Variants in MDGA2 observed in about 807,000 individuals in gnomAD.
The protein encoded by MDGA2 is MAM domain containing glycosylphosphatidylinositol anchor 2, also known as MAM domain-containing glycosylphosphatidylinositol anchor protein 2.
A neutral mutation model predicts 117.8 loss-of-function variants in MDGA2; 40 were observed. That is an observed-to-expected ratio of 0.34 (90% confidence interval 0.26 to 0.44). The LOEUF (loss-of-function observed/expected upper bound fraction) is 0.44, where lower values mean the gene tolerates loss of function less well. MDGA2 is among the 20% of genes least tolerant of loss of function. The pLI, the probability that MDGA2 is intolerant of heterozygous loss-of-function variation, is 1.00. For missense variants in MDGA2, 1,123 were observed against 1,250.6 expected (o/e 0.90, Z 1.54); for synonymous variants, 452 against 439.0 (o/e 1.03, Z -0.37).
At chr14:47,558,074 G>A (rs949346483) in intron 1 of MDGA2, among the ~76,000 whole-genome samples, 1 of 152,178 alleles carries the variant, frequency 6.6e-6, no homozygotes, top group African/African-American at 2.4e-5. Flanking sequence ...AGTCGACAGT[G>A]AAAATGAAGG....
intron 1 of MDGA2, among the ~76,000 whole-genome samples, chr14:47,416,232 A>G (rs1892472612): frequency 6.6e-6 from 1 of 152,188 alleles, no homozygotes; most frequent in Non-Finnish European, 1.5e-5. Context: ...GAAATCAAAC[A>G]TGTTATGCAT....
chr14:47,624,490 AAAT>A (rs1897106021), intron 1 of MDGA2, among the ~76,000 whole-genome samples: 1 of 152,194 alleles, frequency 6.6e-6, no homozygotes, highest in African/African-American at 2.4e-5. Flanking sequence ...ACAAATAAAT[AAAT>A]GATAACTCTT....
intron 1 of MDGA2, among the ~76,000 whole-genome samples, chr14:47,608,018 A>G (rs1023456233): frequency 6.6e-6 from 1 of 152,154 alleles, no homozygotes; most frequent in South Asian, 2.1e-4. Flanking sequence ...GCTCTAAAAG[A>G]CTTGTCATTA....
intron 1 of MDGA2, among the ~76,000 whole-genome samples, chr14:47,394,085 C>T (rs1891954792): frequency 1.3e-5 from 2 of 152,042 alleles, no homozygotes; most frequent in Admixed American, 1.3e-4. Flanking sequence ...AATGCCAGTT[C>T]ATCACTTCCA....
intron 1 of MDGA2, among the ~76,000 whole-genome samples, chr14:47,663,153 T>C (rs1295702428): frequency 1.3e-5 from 2 of 152,220 alleles, no homozygotes; most frequent in African/African-American, 4.8e-5. Flanking sequence ...TTCTTGATAA[T>C]AACTTAACTC....
At chr14:47,209,206 A>G (rs547292575) in intron 3 of MDGA2, among the ~76,000 whole-genome samples, 2 of 152,170 alleles carry the variant, frequency 1.3e-5, no homozygotes, top group South Asian at 2.1e-4. Flanking sequence ...CATGTCTCCA[A>G]TTATAAGGTT....
In MDGA2 at chr14:47,282,298, G is replaced by A. The variant is rs896140705; in HGVS notation, c.420+19113C>T. Among the ~76,000 whole-genome samples the A allele has an allele frequency of 3.9e-5, 6 of 152,242 alleles. No individual in the cohort carries two copies. The South Asian group carries it at 1.2e-3, about 32-fold the overall frequency. ...ATTAATGCAGTCACTTGAGGTTCAT[G>A]CAACTTTCCATGGAATAATACTAAA... On this transcript the variant is annotated intron_variant, in intron 2 of 16. Coordinates refer to ENST00000399232, the MANE Select transcript of MDGA2 (RefSeq NM_001113498.3).
At chr14:47,487,066 A>C (rs1177142550) in intron 1 of MDGA2, among the ~76,000 whole-genome samples, 1 of 152,218 alleles carries the variant, frequency 6.6e-6, no homozygotes, top group Non-Finnish European at 1.5e-5. Flanking sequence ...CTTAGCTATG[A>C]AAAATAACTG....
chr14:47,336,908 A>C (rs1334355473), intron 1 of MDGA2, among the ~76,000 whole-genome samples: 1 of 151,942 alleles, frequency 6.6e-6, no homozygotes, highest in Non-Finnish European at 1.5e-5. Flanking sequence ...ATTGTAGTAC[A>C]TGTTCAATGT....
intron 3 of MDGA2, among the ~76,000 whole-genome samples, chr14:47,181,374 C>T (rs1163244307): frequency 6.6e-6 from 1 of 152,038 alleles, no homozygotes; most frequent in Non-Finnish European, 1.5e-5. Context: ...TTGGAACCAA[C>T]CTAAATGTCC....
At chr14:47,017,383 AATG>A (rs1888122206) in intron 8 of MDGA2, among the ~76,000 whole-genome samples, 1 of 151,992 alleles carries the variant, frequency 6.6e-6, no homozygotes, top group Non-Finnish European at 1.5e-5. Flanking sequence ...TATTCCACTG[AATG>A]ATATTTAAAC....
At chr14:47,092,614 T>A (rs1183753872) in intron 6 of MDGA2, among the ~76,000 whole-genome samples, 1 of 152,152 alleles carries the variant, frequency 6.6e-6, no homozygotes, top group Non-Finnish European at 1.5e-5. Flanking sequence ...ATGGGACCTG[T>A]CAGCTTTGAA....
At position 46,920,124 on chromosome 14, in the gene MDGA2, T is replaced by C. The variant is rs1884068432; in HGVS notation, c.2126A>G (p.Tyr709Cys). The change falls in exon 10 of 17, where the codon TAC becomes TGC. Residue 709 changes from tyrosine to cysteine, a missense_variant. This residue lies in a region of MDGA2 where 890 missense variants were observed against 1,050.3 expected (regional missense o/e 0.85). Transcript: ENST00000399232. The part of the protein sequence containing the change: ...AYAPEFYYDT[Y>C]NPVWQNRHRV... ...GTGTCTGTTCTGCCATACTGGATTGTAGGTATCATAATAGAATTCTGGAGC... is the reference window on the plus strand; with the variant it reads ...GTGTCTGTTCTGCCATACTGGATTGCAGGTATCATAATAGAATTCTGGAGC... 1 of 1,610,202 alleles carries C rather than the reference T, an allele frequency of 6.2e-7. No individual in the cohort carries two copies. Among genetic ancestry groups the C allele is most frequent in the African/African-American group, 1.3e-5 (1 of 74,900 alleles).
chr14:47,479,279 C>T (rs575065499), intron 1 of MDGA2, among the ~76,000 whole-genome samples: 1 of 152,140 alleles, frequency 6.6e-6, no homozygotes, highest in African/African-American at 2.4e-5. Context: ...AGACTACTTA[C>T]ATACTTTTAA....
At chr14:47,107,640 C>T (rs1176073621) in intron 5 of MDGA2, among the ~76,000 whole-genome samples, 11 of 151,308 alleles carry the variant, frequency 7.3e-5, no homozygotes, top group Admixed American at 1.3e-4. Flanking sequence ...TAAAAACACA[C>T]GTGCTCTCCC....
chr14:47,306,151 G>A (rs927550442), intron 1 of MDGA2: 4 of 152,240 alleles, frequency 2.6e-5, no homozygotes, highest in Non-Finnish European at 4.4e-5. Context: ...GCCTGGGAAT[G>A]GATAATGGAG....
chr14:47,524,077 T>A (rs543083388), intron 1 of MDGA2, among the ~76,000 whole-genome samples: 100 of 152,304 alleles, frequency 6.6e-4, no homozygotes, highest in African/African-American at 2.0e-3. Context: ...ATGTAAAGCA[T>A]CTTTTCTACT....
At chr14:47,631,608 C>G (rs1020199249) in intron 1 of MDGA2, among the ~76,000 whole-genome samples, 1 of 152,150 alleles carries the variant, frequency 6.6e-6, no homozygotes, top group Non-Finnish European at 1.5e-5. Flanking sequence ...TCAATATAAT[C>G]TATTCACACC....
chr14:46,844,785 A>G (rs185276702), intron 16 of MDGA2, among the ~76,000 whole-genome samples: 1 of 152,284 alleles, frequency 6.6e-6, no homozygotes, highest in African/African-American at 2.4e-5. Context: ...GTTTCAAGTG[A>G]GAGACCAGGT....
Sources: gnomAD v4.1 joint callset for allele counts (sites outside exome capture counted in the v4.1 genomes callset) on GRCh38, gnomAD v4.1.1 for gene constraint, gnomAD v4.1.1 regional missense constraint, MANE v1.5 for transcripts, NCBI Gene and HGNC (gene_info 2026-07-23, HGNC 2026-07-21) for gene names.